The following SCFD2 variants were observed in gnomAD, a reference collection of about 807,000 sequenced individuals.
SCFD2 encodes sec1 family domain containing 2, also known as sec1 family domain-containing protein 2.
A neutral mutation model predicts 58.9 loss-of-function variants in SCFD2; 54 were observed. That is an observed-to-expected ratio of 0.92 (90% CI 0.74 to 1.15). The LOEUF is 1.15. SCFD2 is among the 50% of genes most tolerant of loss of function. SCFD2 has a pLI of 0.00. For missense variants in SCFD2, 805 were observed against 836.6 expected, an observed-to-expected ratio of 0.96 and a Z score of 0.47; for synonymous variants, 321 against 335.9, an observed-to-expected ratio of 0.96 and a Z score of 0.49.
intron 4 of SCFD2, among the ~76,000 whole-genome samples, chr4:53,239,580 G>A (rs1434835933): frequency 6.6e-6 from 1 of 152,164 alleles, no homozygotes; most frequent in East Asian, 1.9e-4. Flanking sequence ...TGCCTCCTGG[G>A]TTCAAGTGAT....
At chr4:52,955,101 C>A (rs1370428643) in intron 5 of SCFD2, among the ~76,000 whole-genome samples, 2 of 152,314 alleles carry the variant, frequency 1.3e-5, no homozygotes, top group Admixed American at 1.3e-4. Flanking sequence ...CCCACAAGGG[C>A]AGCCCTGTTT....
At chr4:52,999,536 T>C (rs939997076) in intron 5 of SCFD2, among the ~76,000 whole-genome samples, 3 of 152,148 alleles carry the variant, frequency 2.0e-5, no homozygotes, top group Non-Finnish European at 2.9e-5. Flanking sequence ...TAAAAACAAA[T>C]TGGACTACGA....
At chr4:53,055,645 A>T (rs897262925) in intron 5 of SCFD2, among the ~76,000 whole-genome samples, 1 of 152,180 alleles carries the variant, frequency 6.6e-6, no homozygotes, top group African/African-American at 2.4e-5. Flanking sequence ...GCCAAAAATA[A>T]AAATAAAAAG....
chr4:53,052,486 GA>G (rs1449483650), intron 5 of SCFD2, among the ~76,000 whole-genome samples: 2 of 152,194 alleles, frequency 1.3e-5, no homozygotes, highest in Non-Finnish European at 2.9e-5. Flanking sequence ...GGCCACTGGA[GA>G]TTAAAGAATA....
intron 4 of SCFD2, among the ~76,000 whole-genome samples, chr4:53,263,616 C>A (rs564749205): frequency 6.6e-6 from 1 of 152,188 alleles, no homozygotes; most frequent in Non-Finnish European, 1.5e-5. Flanking sequence ...TCAGGTCTTT[C>A]GGCCATGGAT....
chr4:53,066,534 T>C (rs1723667530), intron 5 of SCFD2, among the ~76,000 whole-genome samples: 1 of 152,050 alleles, frequency 6.6e-6, no homozygotes, highest in Admixed American at 6.6e-5. Context: ...ATACAAAAAA[T>C]AAATATTATA....
chr4:53,236,883 A>G (rs1297645582), intron 4 of SCFD2, among the ~76,000 whole-genome samples: 1 of 150,722 alleles, frequency 6.6e-6, no homozygotes, highest in Non-Finnish European at 1.5e-5. Context: ...GGTGTTTCTC[A>G]CAGAGGGGGA....
intron 7 of SCFD2, among the ~76,000 whole-genome samples, chr4:52,887,960 G>A (rs967066585): frequency 1.3e-4 from 19 of 141,970 alleles, no homozygotes; most frequent in Non-Finnish European, 2.1e-4. Context: ...CCGGACTGCG[G>A]ACTGCAGTGG....
intron 7 of SCFD2, 105 bp downstream of exon 7, chr4:52,907,352 T>A (rs1404282791): frequency 9.0e-7 from 1 of 1,114,686 alleles, no homozygotes; most frequent in Non-Finnish European, 1.3e-6. Context: ...AAATACCAAA[T>A]GTTATCTGTA....
chr4:53,097,195 G>A (rs924715466), intron 5 of SCFD2, among the ~76,000 whole-genome samples: 3 of 152,038 alleles, frequency 2.0e-5, no homozygotes, highest in Non-Finnish European at 4.4e-5. Context: ...CTTGGCAATG[G>A]GGGCTCTCTT....
chr4:53,118,843 T>TAA (rs1219124536), intron 5 of SCFD2, among the ~76,000 whole-genome samples: 2 of 149,524 alleles, frequency 1.3e-5, no homozygotes, highest in African/African-American at 4.9e-5. Context: ...GGCATCTACG[T>TAA]AAAAAAAAAA....
In SCFD2 at chr4:53,235,228, C is replaced by A. The variant is rs1180305581; in HGVS notation, c.1311+38598G>T. Among the ~76,000 whole-genome samples the A allele has an allele frequency of 3.9e-5, 6 of 152,162 alleles. 1 individual carries two copies. Among genetic ancestry groups the A allele is most frequent in the Admixed American group, 2.0e-4 (3 of 15,276 alleles). On this transcript the variant is annotated intron_variant, in intron 4 of 8. Coordinates refer to ENST00000401642, the MANE Select transcript of SCFD2 (RefSeq NM_152540.4). ...GAAGCACATTCATTACTTGGGGTGGCCATGTGCTATGCAAAAAGGTGAGAA... is the reference window on the plus strand; with the variant it reads ...GAAGCACATTCATTACTTGGGGTGGACATGTGCTATGCAAAAAGGTGAGAA...
At chr4:53,063,105 T>C (rs1007904043) in intron 5 of SCFD2, among the ~76,000 whole-genome samples, 2 of 152,130 alleles carry the variant, frequency 1.3e-5, no homozygotes, top group African/African-American at 4.8e-5. Flanking sequence ...AGGTTTTGCA[T>C]ACAAAAATAG....
At chr4:53,116,905 G>A (rs1474146643) in intron 5 of SCFD2, among the ~76,000 whole-genome samples, 2 of 152,120 alleles carry the variant, frequency 1.3e-5, no homozygotes, top group Non-Finnish European at 2.9e-5. Context: ...GAGCCTCTAA[G>A]TACCATCACC....
intron 5 of SCFD2, among the ~76,000 whole-genome samples, chr4:52,964,092 C>T (rs754595075): frequency 1.1e-4 from 17 of 152,140 alleles, no homozygotes; most frequent in Admixed American, 2.0e-4. Context: ...TTAATTAAGA[C>T]CAACACATCT....
chr4:52,901,727 G>A (rs1382147178), intron 7 of SCFD2, among the ~76,000 whole-genome samples: 1 of 152,176 alleles, frequency 6.6e-6, no homozygotes, highest in African/African-American at 2.4e-5. Flanking sequence ...AAGCAGAACA[G>A]GTGGAGATGA....
At chr4:53,115,087 G>A (rs1173838386) in intron 5 of SCFD2, among the ~76,000 whole-genome samples, 1 of 151,900 alleles carries the variant, frequency 6.6e-6, no homozygotes, top group Non-Finnish European at 1.5e-5. Flanking sequence ...AAAATTAGAA[G>A]GGATAATCAG....
intron 5 of SCFD2, among the ~76,000 whole-genome samples, chr4:52,978,480 C>T (rs1020250392): frequency 6.6e-6 from 1 of 152,146 alleles, no homozygotes; most frequent in African/African-American, 2.4e-5. Flanking sequence ...GTGACTATTA[C>T]ATTTCAGTAA....
In SCFD2 at chr4:53,272,399, C is replaced by T. The variant is rs535246027; in HGVS notation, c.1311+1427G>A. ...TCATGCCGCTATAAAGACACATGCA[C>T]ACGTATGTTTATTGCAGCACTATTC... On this transcript the variant is annotated intron_variant, in intron 4 of 8. Coordinates refer to ENST00000401642, the MANE Select transcript of SCFD2 (RefSeq NM_152540.4). 2.6e-5 allele frequency among the ~76,000 whole-genome samples: 4 copies of T among 152,254 alleles called. No individual in the cohort carries two copies. The East Asian group carries it at 7.7e-4, about 29-fold the overall frequency.
Sources: gnomAD v4.1 joint callset for allele counts (sites outside exome capture counted in the v4.1 genomes callset) on GRCh38, gnomAD v4.1.1 for gene constraint, MANE v1.5 for transcripts, NCBI Gene and HGNC (gene_info 2026-07-23, HGNC 2026-07-21) for gene names.